Variants in CSMD3 observed in about 807,000 individuals in gnomAD.
The protein encoded by CSMD3 is CUB and sushi domain-containing protein 3.
A neutral mutation model predicts 435.2 loss-of-function variants in CSMD3; 177 were observed. The ratio of observed to expected loss-of-function variants is 0.41; its 90% CI spans 0.36 to 0.46. CSMD3 has a LOEUF of 0.46. Ranked by LOEUF, CSMD3 falls within the 20% of genes least tolerant of loss-of-function variation. CSMD3 has a pLI of 0.34. For synonymous variants in CSMD3, 1,656 were observed against 1,520.5 expected, an observed-to-expected ratio of 1.09 and a Z score of -2.07; for missense variants, 4,265 against 4,504.6, an observed-to-expected ratio of 0.95 and a Z score of 1.52.
intron 38 of CSMD3, among the ~76,000 whole-genome samples, chr8:112,371,510 T>C (rs1828387471): frequency 6.6e-6 from 1 of 152,106 alleles, no homozygotes; most frequent in South Asian, 2.1e-4. Flanking sequence ...CCCATCTCCT[T>C]GCTAACCTGA....
At chr8:112,856,401 A>G (rs2080660256) in intron 11 of CSMD3, among the ~76,000 whole-genome samples, 1 of 151,904 alleles carries the variant, frequency 6.6e-6, no homozygotes, top group Admixed American at 6.6e-5. Flanking sequence ...TGAAATATAG[A>G]AGAAAATTAT....
intron 12 of CSMD3, among the ~76,000 whole-genome samples, chr8:112,823,167 G>A (rs1305260274): frequency 6.6e-6 from 1 of 152,110 alleles, no homozygotes; most frequent in African/African-American, 2.4e-5. Flanking sequence ...TTAGGGAGGA[G>A]TCCCTCCATT....
rs1263826850 is a variant in CSMD3 at position 112,255,424 on chromosome 8, T to G, written c.9866A>C (p.Lys3289Thr). 6.2e-7 allele frequency: 1 copy of G among 1,613,488 alleles called. No individual in the cohort carries two copies. The highest frequency in any genetic ancestry group is 1.7e-5 in the Admixed American group (1 of 59,948). ...AGGTATACCAGGGTCACCACAAAACTTTGCTGGAAATGAAAAGAAAGACGC... is the reference window on the plus strand; with the variant it reads ...AGGTATACCAGGGTCACCACAAAACGTTGCTGGAAATGAAAAGAAAGACGC... The part of the protein sequence containing the change: ...WSGEVPQCLP[K>T]FCGDPGIPAQ... Residue 3289 changes from lysine (K) to threonine (T), a missense_variant, in exon 62 of 71, where the codon AAG becomes ACG. By Grantham distance (78) the Lys-to-Thr change is moderately conservative (BLOSUM62 -1). Around this residue, in one of 3 missense-constraint regions of CSMD3, gnomAD observed 3,255 missense variants for 3,380.2 expected, o/e 0.96. Transcript: ENST00000297405.
intron 27 of CSMD3, among the ~76,000 whole-genome samples, chr8:112,520,894 T>G (rs1179800325): frequency 6.6e-6 from 1 of 151,926 alleles, no homozygotes; most frequent in Non-Finnish European, 1.5e-5. Context: ...AGAAGCACTC[T>G]CTTCTTAACA....
At position 112,994,282 on chromosome 8, in the gene CSMD3, G is replaced by A. The variant is rs952178772; in HGVS notation, c.1031-18134C>T. Reference sequence around the variant, plus strand: ...GAAGTAATGTTCTGTATTTTCATCAGACCTGTCCAACTCAATGAACATGTA... The same window carrying A: ...GAAGTAATGTTCTGTATTTTCATCAAACCTGTCCAACTCAATGAACATGTA... On this transcript the variant is annotated intron_variant, in intron 6 of 70. Transcript: ENST00000297405. 6.6e-5 allele frequency among the ~76,000 whole-genome samples: 10 copies of A among 151,630 alleles called. No individual in the cohort carries two copies. The Admixed American group carries it at 6.6e-4, about 10-fold the overall frequency.
chr8:112,483,979 C>T lies in CSMD3; in HGVS notation c.5278+8510G>A, dbSNP rs549644376. ...TGTTTCTCAATGGTTGAGGTCACTGCCTGGCTGTTGAAGGTCAAGGTGGAT... is the reference window on the plus strand; with the variant it reads ...TGTTTCTCAATGGTTGAGGTCACTGTCTGGCTGTTGAAGGTCAAGGTGGAT... On this transcript the variant is annotated intron_variant, in intron 31 of 70. Coordinates refer to ENST00000297405, the MANE Select transcript of CSMD3 (RefSeq NM_198123.2). 3.1e-4 allele frequency among the ~76,000 whole-genome samples: 47 copies of T among 152,242 alleles called. 2 individuals carry two copies. In the South Asian group the frequency reaches 8.7e-3, roughly 28 times the overall value.
chr8:112,646,880 T>C (rs2074994474), intron 19 of CSMD3, among the ~76,000 whole-genome samples: 1 of 152,192 alleles, frequency 6.6e-6, no homozygotes, highest in Non-Finnish European at 1.5e-5. Context: ...ATAAATTTTA[T>C]TTTATATCTA....
chr8:112,784,478 G>T (rs969412425), intron 13 of CSMD3, among the ~76,000 whole-genome samples: 2 of 151,670 alleles, frequency 1.3e-5, no homozygotes, highest in African/African-American at 4.8e-5. Flanking sequence ...TCAACAAAAT[G>T]AAAATTTGTG....
intron 45 of CSMD3, among the ~76,000 whole-genome samples, chr8:112,323,846 G>T (rs1481310568): frequency 6.6e-6 from 1 of 151,944 alleles, no homozygotes; most frequent in African/African-American, 2.4e-5. Flanking sequence ...TCCTTTACAT[G>T]CCTCTTTCAT....
intron 7 of CSMD3, among the ~76,000 whole-genome samples, chr8:112,967,683 T>TAA (rs1271492401): frequency 6.6e-6 from 1 of 151,920 alleles, no homozygotes; most frequent in African/African-American, 2.4e-5. Flanking sequence ...CAGCCCTTAT[T>TAA]ACCATCAGAC....
At chr8:112,781,237 C>G (rs1477332282) in intron 13 of CSMD3, among the ~76,000 whole-genome samples, 1 of 152,062 alleles carries the variant, frequency 6.6e-6, no homozygotes, top group African/African-American at 2.4e-5. Context: ...TCTGCATAAT[C>G]TGACTAAAGA....
At chr8:113,042,286 G>A (rs1481693829) in intron 5 of CSMD3, among the ~76,000 whole-genome samples, 1 of 152,098 alleles carries the variant, frequency 6.6e-6, no homozygotes, top group Non-Finnish European at 1.5e-5. Context: ...AACTAGTATA[G>A]TAGAATCACA....
chr8:113,009,843 T>G (rs2086192686), intron 6 of CSMD3, among the ~76,000 whole-genome samples: 1 of 151,740 alleles, frequency 6.6e-6, no homozygotes, highest in Non-Finnish European at 1.5e-5. Context: ...CTTGAGTTTT[T>G]CAATAACAGC....
At chr8:112,620,797 C>T (rs555048041) in intron 22 of CSMD3, among the ~76,000 whole-genome samples, 7 of 152,238 alleles carry the variant, frequency 4.6e-5, no homozygotes, top group Middle Eastern at 3.4e-3. Flanking sequence ...GGGATCACAC[C>T]TTAATTTTGC....
chr8:112,500,059 G>A (rs1821789925), intron 30 of CSMD3, among the ~76,000 whole-genome samples: 1 of 151,926 alleles, frequency 6.6e-6, no homozygotes, highest in African/African-American at 2.4e-5. Context: ...CGGTGAACCG[G>A]GATCGCACCA....
intron 10 of CSMD3, among the ~76,000 whole-genome samples, chr8:112,871,230 G>T (rs967256040): frequency 2.6e-5 from 4 of 152,182 alleles, no homozygotes; most frequent in Admixed American, 2.6e-4. Flanking sequence ...AATACTGACT[G>T]TGAGAAAATG....
chr8:112,288,333 T>C (rs114080972), intron 57 of CSMD3, among the ~76,000 whole-genome samples: 1,654 of 152,124 alleles, frequency 0.011, 33 homozygotes, highest in African/African-American at 0.038. Context: ...TAATTTACTA[T>C]GAGTCACTCC....
At chr8:113,147,443 C>T (rs964042809) in intron 4 of CSMD3, among the ~76,000 whole-genome samples, 2 of 151,546 alleles carry the variant, frequency 1.3e-5, no homozygotes, top group Admixed American at 6.6e-5. Context: ...TATATTCTGT[C>T]GGTCTTTCTG....
chr8:112,241,268 A>G (rs981079541), intron 66 of CSMD3, among the ~76,000 whole-genome samples: 12 of 152,032 alleles, frequency 7.9e-5, no homozygotes, highest in African/African-American at 2.9e-4. Flanking sequence ...TTATGTTTTT[A>G]TTGATTGTGC....
Sources: allele counts gnomAD v4.1 joint callset (sites outside exome capture counted in the v4.1 genomes callset), GRCh38; gene constraint gnomAD v4.1.1; regional missense constraint gnomAD v4.1.1; transcripts MANE v1.5; gene names NCBI Gene and HGNC (gene_info 2026-07-23, HGNC 2026-07-21).